The following CNTNAP2 variants were observed in gnomAD, a reference collection of about 807,000 sequenced individuals.
CNTNAP2 encodes contactin associated protein 2.
CNTNAP2 carries 98 observed loss-of-function variants against 155.2 expected under a neutral mutation model. The observed-to-expected ratio is 0.63, with a 90% CI of 0.54 to 0.75. The LOEUF (loss-of-function observed/expected upper bound fraction) is 0.75, where lower values mean the gene tolerates loss of function less well. Among genes scored for constraint, CNTNAP2 ranks in the 30% least tolerant of loss-of-function variants. The pLI, the probability that CNTNAP2 is intolerant of heterozygous loss-of-function variation, is 0.00. For missense variants in CNTNAP2, 1,727 were observed against 1,688.1 expected (o/e 1.02, Z -0.40); for synonymous variants, 651 against 631.2 (o/e 1.03, Z -0.47).
intron 1 of CNTNAP2, among the ~76,000 whole-genome samples, chr7:146,235,718 T>A (rs529060568): frequency 1.3e-5 from 2 of 152,058 alleles, no homozygotes; most frequent in African/African-American, 4.8e-5. Flanking sequence ...TCTCAGCCCG[T>A]TGGAAGTCAG....
At chr7:147,437,949 T>G (rs1797579311) in intron 10 of CNTNAP2, among the ~76,000 whole-genome samples, 1 of 152,140 alleles carries the variant, frequency 6.6e-6, no homozygotes, top group Non-Finnish European at 1.5e-5. Context: ...GGTACTAATT[T>G]TTAATGTTGA....
intron 13 of CNTNAP2, among the ~76,000 whole-genome samples, chr7:147,887,741 G>A (rs888331192): frequency 2.0e-5 from 3 of 152,016 alleles, no homozygotes; most frequent in Non-Finnish European, 4.4e-5. Flanking sequence ...AAATCCAGGG[G>A]GTTAGACTCT....
intron 1 of CNTNAP2, among the ~76,000 whole-genome samples, chr7:146,240,496 GATA>G (rs1426687132): frequency 4.0e-5 from 6 of 151,542 alleles, no homozygotes; most frequent in African/African-American, 9.7e-5. Flanking sequence ...ATAATTTAAT[GATA>G]ATGTCTTATG....
intron 2 of CNTNAP2, among the ~76,000 whole-genome samples, chr7:146,805,699 A>G (rs1480536667): frequency 2.6e-5 from 4 of 152,202 alleles, no homozygotes; most frequent in African/African-American, 9.7e-5. Context: ...ACTGGCAGCC[A>G]CACCGTAACT....
At chr7:147,190,012 A>T (rs547417102) in intron 8 of CNTNAP2, among the ~76,000 whole-genome samples, 2 of 152,062 alleles carry the variant, frequency 1.3e-5, no homozygotes, top group Non-Finnish European at 2.9e-5. Context: ...CCAAAGAGCT[A>T]GGATTACAGG....
At chr7:148,388,816 G>C (rs1431160479) in intron 22 of CNTNAP2, among the ~76,000 whole-genome samples, 3 of 152,156 alleles carry the variant, frequency 2.0e-5, no homozygotes, top group African/African-American at 7.2e-5. Flanking sequence ...CTGTTTGCCT[G>C]GGTATCTGCA....
rs191579291 is a variant in CNTNAP2, at chr7:146,233,345, T to C, written c.97+116372T>C. 9.2e-5 allele frequency among the ~76,000 whole-genome samples: 14 copies of C among 152,304 alleles called. No homozygotes were observed. The East Asian group carries it at 2.7e-3, about 29-fold the overall frequency. Reference sequence around the variant, plus strand: ...TTTACCTCATAAGCAACTTGAATTTTCATAGTATAATTAGCCAGTGGTTTT... The same window carrying C: ...TTTACCTCATAAGCAACTTGAATTTCCATAGTATAATTAGCCAGTGGTTTT... On this transcript the variant is annotated intron_variant, in intron 1 of 23. Transcript: ENST00000361727.
intron 8 of CNTNAP2, among the ~76,000 whole-genome samples, chr7:147,190,596 T>C (rs781158002): frequency 1.4e-4 from 21 of 152,182 alleles, no homozygotes; most frequent in Non-Finnish European, 2.6e-4. Context: ...AGCTTCGCAA[T>C]GGTGTTGGCT....
intron 14 of CNTNAP2, among the ~76,000 whole-genome samples, chr7:147,977,346 G>A (rs1329986244): frequency 1.3e-5 from 2 of 152,178 alleles, no homozygotes. Context: ...TTCTGTGCTG[G>A]AAACTTCACA....
chr7:147,582,201 C>G (rs996346316), intron 12 of CNTNAP2, among the ~76,000 whole-genome samples: 1 of 143,608 alleles, frequency 7.0e-6, no homozygotes, highest in South Asian at 2.1e-4. Flanking sequence ...CTGGTTTACA[C>G]TGGCACTTGT....
intron 1 of CNTNAP2, among the ~76,000 whole-genome samples, chr7:146,119,537 T>A (rs1488880404): frequency 1.3e-5 from 2 of 152,144 alleles, no homozygotes; most frequent in Non-Finnish European, 2.9e-5. Context: ...GTATCTTCCC[T>A]TCCTGTAAAT....
chr7:147,987,359 T>G (rs553181394), intron 15 of CNTNAP2, among the ~76,000 whole-genome samples: 1 of 152,328 alleles, frequency 6.6e-6, no homozygotes, highest in African/African-American at 2.4e-5. Flanking sequence ...TTGGTTACAG[T>G]TTGGAAAAAA....
intron 13 of CNTNAP2, among the ~76,000 whole-genome samples, chr7:147,641,926 G>C (rs955758301): frequency 7.2e-5 from 11 of 152,214 alleles, no homozygotes; most frequent in Admixed American, 4.6e-4. Context: ...AAGTGATGCT[G>C]ATATTCCTGC....
intron 2 of CNTNAP2, among the ~76,000 whole-genome samples, chr7:146,826,801 ACAAT>A (rs1199554309): frequency 4.0e-5 from 6 of 151,626 alleles, no homozygotes; most frequent in African/African-American, 4.8e-5. Context: ...ATTTATGTAA[ACAAT>A]CAAATAATTT....
intron 1 of CNTNAP2, among the ~76,000 whole-genome samples, chr7:146,599,328 C>A (rs555617187): frequency 6.6e-6 from 1 of 152,048 alleles, no homozygotes; most frequent in African/African-American, 2.4e-5. Flanking sequence ...TCTGTCAAAG[C>A]CCTCCAATTA....
intron 17 of CNTNAP2, among the ~76,000 whole-genome samples, chr7:148,157,493 A>T (rs937321878): frequency 2.7e-5 from 4 of 149,934 alleles, no homozygotes; most frequent in African/African-American, 9.8e-5. Flanking sequence ...TCAAAATGTG[A>T]TGATATTTAC....
chr7:148,261,394 A>T (rs960810390), intron 20 of CNTNAP2, among the ~76,000 whole-genome samples: 9 of 152,216 alleles, frequency 5.9e-5, no homozygotes, highest in Non-Finnish European at 1.2e-4. Context: ...TCCTGACCAC[A>T]GGTGATCCGC....
intron 1 of CNTNAP2, among the ~76,000 whole-genome samples, chr7:146,411,356 C>A (rs577430058): frequency 2.0e-5 from 3 of 151,954 alleles, no homozygotes; most frequent in Admixed American, 6.6e-5. Context: ...CGGGGTTTCA[C>A]CATGTTGGTC....
intron 1 of CNTNAP2, among the ~76,000 whole-genome samples, chr7:146,725,205 G>A (rs112339349): frequency 2.0e-3 from 311 of 152,172 alleles, no homozygotes; most frequent in African/African-American, 7.2e-3. Flanking sequence ...TATAGGATTA[G>A]GGTCTGCCCG....
Sources: allele counts gnomAD v4.1 joint callset (sites outside exome capture counted in the v4.1 genomes callset), GRCh38; gene constraint gnomAD v4.1.1; transcripts MANE v1.5; gene names NCBI Gene and HGNC (gene_info 2026-07-23, HGNC 2026-07-21).